Variants in PCDH15 observed in about 807,000 individuals in gnomAD.
The protein encoded by PCDH15 is protocadherin related 15.
Under a neutral mutation model 178.5 loss-of-function variants are expected in PCDH15, and 129 were observed. The observed-to-expected ratio is 0.72, with a 90% CI of 0.63 to 0.84. The LOEUF (loss-of-function observed/expected upper bound fraction) is 0.84, where lower values mean the gene tolerates loss of function less well. Ranked by LOEUF, PCDH15 falls within the 40% of genes least tolerant of loss-of-function variation. The pLI, the probability that PCDH15 is intolerant of heterozygous loss-of-function variation, is 0.00. For synonymous variants in PCDH15, 800 were observed against 732.0 expected (o/e 1.09, Z -1.50); for missense variants, 2,230 against 2,099.9 (o/e 1.06, Z -1.21).
chr10:54,403,033 A>G (rs1952138652), intron 3 of PCDH15, among the ~76,000 whole-genome samples: 1 of 152,064 alleles, frequency 6.6e-6, no homozygotes, highest in South Asian at 2.1e-4. Flanking sequence ...CTATGAATTC[A>G]AAGAAAAACT....
At chr10:55,336,401 G>A (rs1315362470) in intron 2 of PCDH15, among the ~76,000 whole-genome samples, 5 of 152,122 alleles carry the variant, frequency 3.3e-5, no homozygotes, top group Admixed American at 2.6e-4. Context: ...AGGAGGCTGA[G>A]GCAGGACAAT....
chr10:54,701,276 G>A (rs1336192), intron 1 of PCDH15, among the ~76,000 whole-genome samples: 114,685 of 151,904 alleles, frequency 0.75, 44,476 homozygotes, highest in Middle Eastern at 0.88. Flanking sequence ...TTGTTAGCAC[G>A]TGACCTGCCT....
intron 25 of PCDH15, among the ~76,000 whole-genome samples, chr10:53,908,254 A>G (rs1182736998): frequency 6.6e-6 from 1 of 152,164 alleles, no homozygotes; most frequent in Non-Finnish European, 1.5e-5. Flanking sequence ...CCAAACGAAC[A>G]AACAAACAAA....
chr10:53,889,486 G>A lies in PCDH15; in HGVS notation c.3501+13757C>T, dbSNP rs570049188. On this transcript the variant is annotated intron_variant, in intron 26 of 37. Coordinates refer to ENST00000644397, the MANE Select transcript of PCDH15 (RefSeq NM_001384140.1). The stretch of plus-strand genomic sequence containing the variant: ...AGACATTTGACTATCTTAACTACTA[G>A]GGAATGGTAAACGAAGCACAAGAAA... Among the ~76,000 whole-genome samples the A allele has an allele frequency of 2.0e-5, 3 of 152,082 alleles. No homozygotes were observed. The South Asian group carries it at 6.2e-4, about 31-fold the overall frequency.
At chr10:55,091,913 G>C (rs1328576574) in intron 2 of PCDH15, among the ~76,000 whole-genome samples, 1 of 151,426 alleles carries the variant, frequency 6.6e-6, no homozygotes, top group Non-Finnish European at 1.5e-5. Flanking sequence ...ACCACTAGGG[G>C]TCGGTGTGAG....
At chr10:53,807,256 A>C (rs887579677) in intron 37 of PCDH15, 126 bp from the exon 38 acceptor site, 1 of 736,564 alleles carries the variant, frequency 1.4e-6, no homozygotes, top group Non-Finnish European at 2.1e-6. Context: ...CTCAAGAGAG[A>C]TAGAAGGAAG....
intron 8 of PCDH15, among the ~76,000 whole-genome samples, chr10:54,242,293 T>C (rs1201220948): frequency 6.7e-6 from 1 of 150,332 alleles, no homozygotes; most frequent in Non-Finnish European, 1.5e-5. Flanking sequence ...AAATCTCAGC[T>C]TTCTGGTCAT....
intron 1 of PCDH15, among the ~76,000 whole-genome samples, chr10:54,771,889 T>C (rs2133274272): frequency 6.6e-6 from 1 of 152,270 alleles, no homozygotes; most frequent in South Asian, 2.1e-4. Context: ...TATCTGTATA[T>C]GTAAATTCAG....
At chr10:54,705,504 A>G (rs1268026259) in intron 1 of PCDH15, among the ~76,000 whole-genome samples, 5 of 152,122 alleles carry the variant, frequency 3.3e-5, no homozygotes, top group Admixed American at 2.0e-4. Flanking sequence ...CAATTTCATC[A>G]CATATAAAAT....
At chr10:54,271,381 T>G (rs2058039763) in intron 8 of PCDH15, among the ~76,000 whole-genome samples, 1 of 152,014 alleles carries the variant, frequency 6.6e-6, no homozygotes, top group Admixed American at 6.6e-5. Context: ...CGGCTAATTT[T>G]TGTACTTTAT....
chr10:55,243,481 T>C (rs192566630), intron 1 of PCDH15, among the ~76,000 whole-genome samples: 1 of 152,282 alleles, frequency 6.6e-6, no homozygotes, highest in East Asian at 1.9e-4. Flanking sequence ...CACATTCTGT[T>C]GTTACAGAGG....
intron 4 of PCDH15, among the ~76,000 whole-genome samples, chr10:54,373,400 C>T (rs540354424): frequency 2.0e-5 from 3 of 151,920 alleles, no homozygotes; most frequent in East Asian, 1.9e-4. Flanking sequence ...GTTTTAGAAA[C>T]GACTTTTACA....
At chr10:54,577,545 AT>A (rs1211725219) in intron 2 of PCDH15, among the ~76,000 whole-genome samples, 2 of 152,246 alleles carry the variant, frequency 1.3e-5, no homozygotes, top group South Asian at 2.1e-4. Context: ...GGAAAAAAAA[AT>A]AAGTCAAGAT....
chr10:54,139,547 G>A (rs2043200801), intron 14 of PCDH15, among the ~76,000 whole-genome samples: 1 of 152,086 alleles, frequency 6.6e-6, no homozygotes, highest in Non-Finnish European at 1.5e-5. Flanking sequence ...AAAAATTGTG[G>A]AATGGTTCTC....
At chr10:54,062,839 C>T (rs868831290) in intron 18 of PCDH15, among the ~76,000 whole-genome samples, 1 of 151,986 alleles carries the variant, frequency 6.6e-6, no homozygotes, top group Admixed American at 6.6e-5. Context: ...TTGATGTCTA[C>T]TTGTGTGTTT....
At chr10:55,382,808 G>A (rs887126591) in intron 2 of PCDH15, among the ~76,000 whole-genome samples, 5 of 151,994 alleles carry the variant, frequency 3.3e-5, no homozygotes, top group African/African-American at 7.2e-5. Context: ...TTTGTGGCTC[G>A]CCTACTTGGC....
chr10:55,417,432 T>C (rs1013414485), intron 2 of PCDH15, among the ~76,000 whole-genome samples: 4 of 151,700 alleles, frequency 2.6e-5, no homozygotes, highest in Non-Finnish European at 5.9e-5. Context: ...AAAAGTAATA[T>C]GTAAAATATA....
At chr10:54,365,568 C>G (rs1327802277) in intron 5 of PCDH15, among the ~76,000 whole-genome samples, 2 of 152,020 alleles carry the variant, frequency 1.3e-5, no homozygotes, top group Non-Finnish European at 2.9e-5. Flanking sequence ...TTATGTCTGC[C>G]TTGACTTGCT....
intron 7 of PCDH15, among the ~76,000 whole-genome samples, chr10:54,328,017 T>C (rs1338673722): frequency 6.6e-6 from 1 of 152,024 alleles, no homozygotes; most frequent in Admixed American, 6.6e-5. Flanking sequence ...AAGATCACCG[T>C]TGGTGTTGTA....
Sources: allele counts gnomAD v4.1 joint callset (sites outside exome capture counted in the v4.1 genomes callset), GRCh38; gene constraint gnomAD v4.1.1; transcripts MANE v1.5; gene names NCBI Gene and HGNC (gene_info 2026-07-23, HGNC 2026-07-21).